Variants in CHCHD6 observed in about 807,000 individuals in gnomAD.
CHCHD6 encodes coiled-coil-helix-coiled-coil-helix domain containing 6.
CHCHD6 carries 28 observed loss-of-function variants against 32.3 expected under a neutral mutation model. The ratio of observed to expected loss-of-function variants is 0.87; its 90% CI spans 0.64 to 1.19. The LOEUF (loss-of-function observed/expected upper bound fraction) is 1.19. Ranked by LOEUF, CHCHD6 falls within the 50% of genes most tolerant of loss-of-function variation. CHCHD6 has a pLI of 0.00. For missense variants in CHCHD6, 333 were observed against 307.0 expected, an observed-to-expected ratio of 1.08 and a Z score of -0.63; for synonymous variants, 122 against 117.5, an observed-to-expected ratio of 1.04 and a Z score of -0.25.
In CHCHD6 at chr3:126,839,547, C is replaced by T. The variant is rs571005285; in HGVS notation, c.412-13100C>T. Among the ~76,000 whole-genome samples, 18 of 152,090 alleles carry T rather than the reference C, an allele frequency of 1.2e-4. No homozygotes were observed. The East Asian group carries it at 2.7e-3, about 23-fold the overall frequency. The stretch of plus-strand genomic sequence containing the variant: ...GGTAGACATAGTTCTCATTTTCGGC[C>T]GGAACCTGGAGGGATCATTGTGCTT... On this transcript the variant is annotated intron_variant, in intron 4 of 7. Coordinates refer to ENST00000290913, the MANE Select transcript of CHCHD6 (RefSeq NM_032343.3).
At chr3:126,922,146 TA>T (rs1289342637) in intron 6 of CHCHD6, among the ~76,000 whole-genome samples, 3 of 152,246 alleles carry the variant, frequency 2.0e-5, no homozygotes, top group Non-Finnish European at 2.9e-5. Context: ...TTCATTTAAC[TA>T]ATCAAAATTT....
intron 4 of CHCHD6, among the ~76,000 whole-genome samples, chr3:126,838,803 T>C (rs1366398775): frequency 6.6e-6 from 1 of 152,086 alleles, no homozygotes; most frequent in Non-Finnish European, 1.5e-5. Flanking sequence ...CTCTTAAACA[T>C]CACAGTGTAC....
At chr3:126,916,702 G>A (rs562234162) in intron 6 of CHCHD6, among the ~76,000 whole-genome samples, 3 of 152,296 alleles carry the variant, frequency 2.0e-5, no homozygotes, top group African/African-American at 4.8e-5. Flanking sequence ...GGTTCCCCCC[G>A]GTATGTCCTG....
At chr3:126,921,379 G>A (rs937828346) in intron 6 of CHCHD6, among the ~76,000 whole-genome samples, 1 of 152,182 alleles carries the variant, frequency 6.6e-6, no homozygotes, top group Non-Finnish European at 1.5e-5. Flanking sequence ...AAATGTGTAT[G>A]TACACCCCCG....
chr3:126,825,057 T>C (rs1041374744), intron 4 of CHCHD6, among the ~76,000 whole-genome samples: 1 of 152,208 alleles, frequency 6.6e-6, no homozygotes, highest in Non-Finnish European at 1.5e-5. Context: ...TTTAAGGCTA[T>C]AATTTTTCCT....
At chr3:126,910,102 C>A (rs1048184581) in intron 5 of CHCHD6, among the ~76,000 whole-genome samples, 1 of 152,066 alleles carries the variant, frequency 6.6e-6, no homozygotes, top group African/African-American at 2.4e-5. Context: ...CATGGCGAAA[C>A]CCCCTCTCTG....
At chr3:126,783,854 G>T (rs921865519) in intron 4 of CHCHD6, among the ~76,000 whole-genome samples, 1 of 152,026 alleles carries the variant, frequency 6.6e-6, no homozygotes, top group Non-Finnish European at 1.5e-5. Flanking sequence ...GTGGTGGGAG[G>T]GGGGTCTGGT....
intron 4 of CHCHD6, among the ~76,000 whole-genome samples, chr3:126,740,326 A>G (rs151104055): frequency 2.6e-4 from 39 of 152,324 alleles, no homozygotes; most frequent in Non-Finnish European, 5.0e-4. Flanking sequence ...CACTGCTCAC[A>G]GACTTCAGCA....
At chr3:126,742,169 C>T (rs906849558) in intron 4 of CHCHD6, among the ~76,000 whole-genome samples, 4 of 152,172 alleles carry the variant, frequency 2.6e-5, no homozygotes, top group Admixed American at 2.0e-4. Context: ...CAGGTGATAC[C>T]GAGTGGCACT....
chr3:126,711,944 G>C (rs1207417955), intron 1 of CHCHD6, among the ~76,000 whole-genome samples: 2 of 152,222 alleles, frequency 1.3e-5, no homozygotes, highest in Admixed American at 1.3e-4. Context: ...GTGTTATTCT[G>C]TTTGATGCTC....
At chr3:126,937,607 A>G (rs2078499327) in intron 6 of CHCHD6, among the ~76,000 whole-genome samples, 1 of 152,192 alleles carries the variant, frequency 6.6e-6, no homozygotes, top group Non-Finnish European at 1.5e-5. Context: ...CAGAGGTTTT[A>G]TGAAGATTAA....
rs186234441 is a variant in CHCHD6, at chr3:126,832,029, G to A, written c.412-20618G>A. Reference sequence around the variant, plus strand: ...ATTTGGCCAACAGGTGTTGATTAAAGAAGAGGAAAAAAAAGGACTTAACAA... The same window carrying A: ...ATTTGGCCAACAGGTGTTGATTAAAAAAGAGGAAAAAAAAGGACTTAACAA... On this transcript the variant is annotated intron_variant, in intron 4 of 7. Transcript: ENST00000290913. 3.1e-3 allele frequency among the ~76,000 whole-genome samples: 476 copies of A among 152,106 alleles called. 5 individuals carry two copies. The highest frequency in any genetic ancestry group is 0.011 in the African/African-American group (452 of 41,520).
At chr3:126,930,821 G>A (rs2078393245) in intron 6 of CHCHD6, among the ~76,000 whole-genome samples, 1 of 152,202 alleles carries the variant, frequency 6.6e-6, no homozygotes, top group Non-Finnish European at 1.5e-5. Flanking sequence ...AAGAGGTGCT[G>A]TTTCAGCACC....
At chr3:126,827,069 G>A (rs1400462195) in intron 4 of CHCHD6, among the ~76,000 whole-genome samples, 1 of 152,176 alleles carries the variant, frequency 6.6e-6, no homozygotes, top group African/African-American at 2.4e-5. Flanking sequence ...GGAGGTGAGA[G>A]CAAGAATTTG....
In CHCHD6 at chr3:126,848,490, G is replaced by A. The variant is rs964687638; in HGVS notation, c.412-4157G>A. 5.9e-5 allele frequency among the ~76,000 whole-genome samples: 9 copies of A among 152,254 alleles called. No individual in the cohort carries two copies. The Middle Eastern group carries it at 0.024, about 403-fold the overall frequency. Reference sequence around the variant, plus strand: ...GCATATTTAAAATTATTCATCAATTGGAGATTGTAATGCTAGCTGGATATC... The same window carrying A: ...GCATATTTAAAATTATTCATCAATTAGAGATTGTAATGCTAGCTGGATATC... On this transcript the variant is annotated intron_variant, in intron 4 of 7. Coordinates refer to ENST00000290913, the MANE Select transcript of CHCHD6 (RefSeq NM_032343.3).
At chr3:126,820,554 G>A (rs1016397733) in intron 4 of CHCHD6, among the ~76,000 whole-genome samples, 1 of 152,158 alleles carries the variant, frequency 6.6e-6, no homozygotes, top group African/African-American at 2.4e-5. Context: ...GCAGTAGTTT[G>A]TTCTTTTCCA....
intron 6 of CHCHD6, among the ~76,000 whole-genome samples, chr3:126,934,070 T>G (rs1332991547): frequency 6.6e-6 from 1 of 152,204 alleles, no homozygotes; most frequent in Non-Finnish European, 1.5e-5. Flanking sequence ...TCTGAGAACC[T>G]GGATTGAGCT....
chr3:126,767,657 G>A (rs944255052), intron 4 of CHCHD6, among the ~76,000 whole-genome samples: 2 of 152,308 alleles, frequency 1.3e-5, no homozygotes, highest in East Asian at 3.9e-4. Context: ...TAAACTGCAT[G>A]TCACAGGGGT....
intron 4 of CHCHD6, among the ~76,000 whole-genome samples, chr3:126,747,825 A>G (rs762224200): frequency 1.9e-4 from 29 of 152,106 alleles, no homozygotes; most frequent in Non-Finnish European, 3.5e-4. Flanking sequence ...GAACCCCACC[A>G]ACTGCTTTCT....
Sources: allele counts gnomAD v4.1 joint callset (sites outside exome capture counted in the v4.1 genomes callset), GRCh38; gene constraint gnomAD v4.1.1; transcripts MANE v1.5; gene names NCBI Gene and HGNC (gene_info 2026-07-23, HGNC 2026-07-21).